Variants in DIS3L observed in about 807,000 individuals in gnomAD.
The protein encoded by DIS3L is DIS3 like exosome 3'-5' exoribonuclease, also known as DIS3-like exonuclease 1.
A neutral mutation model predicts 120.3 loss-of-function variants in DIS3L; 100 were observed. The observed-to-expected ratio is 0.83, with a 90% CI of 0.71 to 0.98. DIS3L has a LOEUF of 0.98. Among genes scored for constraint, DIS3L ranks in the 50% least tolerant of loss-of-function variants. DIS3L has a pLI of 0.00. For synonymous variants in DIS3L, 426 were observed against 470.6 expected, an observed-to-expected ratio of 0.91 and a Z score of 1.23; for missense variants, 1,196 against 1,314.2, an observed-to-expected ratio of 0.91 and a Z score of 1.39.
At chr15:66,329,794 C>T (rs1379442732) in intron 14 of DIS3L, 1 of 930,880 alleles carries the variant, frequency 1.1e-6, no homozygotes, top group Non-Finnish European at 1.3e-6. Flanking sequence ...CGCCTGTAGT[C>T]CCAGTTACTT....
At chr15:66,322,217 G>T (rs1007125741) in intron 9 of DIS3L, among the ~76,000 whole-genome samples, 5 of 152,104 alleles carry the variant, frequency 3.3e-5, no homozygotes, top group Admixed American at 2.6e-4. Flanking sequence ...GATAATAATG[G>T]AGAGAAAATG....
chr15:66,326,371 C>T lies in DIS3L; in HGVS notation c.2201+7C>T. The stretch of plus-strand genomic sequence containing the variant: ...GCTTCTTCATAGATACACGGTATTC[C>T]TCTTTTGAGGGGGCAGAGGAATGGA... On this transcript the variant is annotated splice_region_variant and intron_variant, in intron 12 of 16. Transcript: ENST00000319212. 6.2e-7 allele frequency: 1 copy of T among 1,611,432 alleles called. No individual in the cohort carries two copies. The highest frequency in any genetic ancestry group is 1.1e-5 in the South Asian group (1 of 90,922).
At chr15:66,317,266 T>C (rs940801979) in intron 7 of DIS3L, among the ~76,000 whole-genome samples, 2 of 151,158 alleles carry the variant, frequency 1.3e-5, no homozygotes, top group Non-Finnish European at 1.5e-5. Context: ...TCAAGGACTT[T>C]GCCTGTTATG....
At chr15:66,319,727 A>G (rs1408201135) in intron 8 of DIS3L, among the ~76,000 whole-genome samples, 1 of 152,212 alleles carries the variant, frequency 6.6e-6, no homozygotes, top group East Asian at 1.9e-4. Flanking sequence ...GTTGCACCTA[A>G]TACATTTTCC....
intron 12 of DIS3L, among the ~76,000 whole-genome samples, chr15:66,327,907 C>T (rs999983019): frequency 3.3e-5 from 5 of 152,004 alleles, no homozygotes; most frequent in African/African-American, 7.3e-5. Flanking sequence ...AAAAATACAA[C>T]GAGCCAGGCA....
chr15:66,302,591 G>A (rs2092659980), intron 2 of DIS3L, among the ~76,000 whole-genome samples: 1 of 152,120 alleles, frequency 6.6e-6, no homozygotes, highest in Admixed American at 6.5e-5. Flanking sequence ...AAGCACTGAA[G>A]TAAAGCCTTA....
At chr15:66,306,615 G>A (rs977779442) in intron 2 of DIS3L, 2 of 508,276 alleles carry the variant, frequency 3.9e-6, no homozygotes, top group Non-Finnish European at 3.4e-6. Flanking sequence ...ACTAGGCCCT[G>A]CCCAAGCACC....
chr15:66,313,581 T>G (rs2092784225), intron 5 of DIS3L, among the ~76,000 whole-genome samples: 2 of 151,874 alleles, frequency 1.3e-5, no homozygotes, highest in South Asian at 4.2e-4. Context: ...ATGCAAAAAA[T>G]TAGCTGAGCG....
At chr15:66,294,206 A>T in intron 1 of DIS3L, 1 of 985,526 alleles carries the variant, frequency 1.0e-6, no homozygotes, top group Non-Finnish European at 1.2e-6. Flanking sequence ...GTTGCCCCAG[A>T]CTTTTCCCCC....
chr15:66,308,318 T>G (rs956435650), intron 3 of DIS3L, among the ~76,000 whole-genome samples: 1 of 152,250 alleles, frequency 6.6e-6, no homozygotes, highest in Non-Finnish European at 1.5e-5. Flanking sequence ...TTCAGCTACT[T>G]GCACCTTAGT....
chr15:66,329,342 T>A lies in DIS3L; in HGVS notation c.2478T>A (p.Asn826Lys). The A allele has an allele frequency of 6.2e-7, 1 of 1,613,992 alleles. No individual in the cohort carries two copies. The highest frequency in any genetic ancestry group is 1.1e-5 in the South Asian group (1 of 91,042). ...ATAAGAAAATGGAAATTAAGGGAAA[T>A]CTGTTCAGCAACAAAGATCTTGAGG... The part of the protein sequence containing the change: ...SKDKKMEIKG[N>K]LFSNKDLEEL... Residue 826 changes from asparagine (N) to lysine (K), a missense_variant, in exon 14 of 17, where the codon AAT (asparagine) becomes AAA (lysine). By Grantham distance (94) the Asn-to-Lys change is moderately conservative. Transcript: ENST00000319212.
chr15:66,313,462 T>C (rs554100288), intron 5 of DIS3L, among the ~76,000 whole-genome samples: 47 of 152,260 alleles, frequency 3.1e-4, no homozygotes, highest in African/African-American at 1.1e-3. Flanking sequence ...TACCCACGCA[T>C]GGTTTCTCAT....
At position 66,306,880 on chromosome 15, in the gene DIS3L, T is replaced by C. The variant is rs1178077685; in HGVS notation, c.350T>C (p.Phe117Ser). The C allele has an allele frequency of 6.2e-7, 1 of 1,614,158 alleles. No homozygotes were observed. The highest frequency in any genetic ancestry group is 8.5e-7 in the Non-Finnish European group (1 of 1,180,022). Residue 117 changes from phenylalanine to serine, a missense_variant, in exon 3 of 17, where the codon TTT becomes TCT. Phe to Ser is a radical substitution (Grantham distance 155). Transcript: ENST00000319212. ...GATGCGCGTCATGATTGCATTCTCT[T>C]TGCTAATGAATTCCAGCAATGCTGC... is the stretch of plus-strand genomic sequence containing the variant. ...LKDARHDCILFANEFQQCCYL... is the reference protein window; with the variant it reads ...LKDARHDCILSANEFQQCCYL...
intron 11 of DIS3L, among the ~76,000 whole-genome samples, chr15:66,325,426 G>C (rs561146829): frequency 6.6e-6 from 1 of 152,250 alleles, no homozygotes; most frequent in South Asian, 2.1e-4. Context: ...AGTAAGGTTT[G>C]TAATGTCACA....
chr15:66,296,892 GT>G (rs1256550919), intron 2 of DIS3L, among the ~76,000 whole-genome samples: 1 of 152,204 alleles, frequency 6.6e-6, no homozygotes, highest in Non-Finnish European at 1.5e-5. Context: ...AAACAAGACA[GT>G]TATTATGAAG....
At position 66,314,211 on chromosome 15, in the gene DIS3L, T is replaced by C. The variant is rs2140363608; in HGVS notation, c.814+94T>C. 4 of 1,027,472 alleles carry C rather than the reference T, an allele frequency of 3.9e-6. No homozygotes were observed. In the East Asian group the frequency reaches 1.2e-4, roughly 32 times the overall value. The allele number at this position is 1,027,472 out of a possible 1,614,324, so 63.6% of individuals were successfully genotyped here. A position where few individuals can be genotyped will look rare whatever the true frequency, so the allele number is the denominator to read the frequency against. On this transcript the variant is annotated intron_variant, in intron 6 of 16. Transcript: ENST00000319212. ...AAAGTTGAAATTGTCATGTCATATG[T>C]GCCCTGTTATGTATGCCTACATACA...
intron 7 of DIS3L, among the ~76,000 whole-genome samples, chr15:66,315,955 G>C (rs1485395755): frequency 6.6e-6 from 1 of 152,098 alleles, no homozygotes; most frequent in Non-Finnish European, 1.5e-5. Flanking sequence ...CCACCCTGCT[G>C]GCTGCTCTTC....
intron 5 of DIS3L, among the ~76,000 whole-genome samples, 180 bp downstream of exon 5, chr15:66,312,080 A>G (rs2092768737): frequency 6.6e-6 from 1 of 151,888 alleles, no homozygotes; most frequent in South Asian, 2.1e-4. Context: ...GGTAGTGTGC[A>G]CCTGTACTCC....
rs146543065 is a variant in DIS3L, at chr15:66,315,201, A to C, written c.980A>C (p.Glu327Ala). The C allele has an allele frequency of 6.2e-7, 1 of 1,611,910 alleles. No homozygotes were observed. The highest frequency in any genetic ancestry group is 1.1e-5 in the South Asian group (1 of 90,794). Residue 327 changes from glutamate (E) to alanine (A), a missense_variant, in exon 7 of 17, where the codon GAG (glutamate) becomes GCG (alanine). Glu to Ala is a moderately radical substitution (Grantham distance 107). Transcript: ENST00000319212. ...AAGGCTTCGGGCGAGTCCCCAAGTGAGCCCATGCCTACAGGTGAGCCAGCT... is the reference window on the plus strand; with the variant it reads ...AAGGCTTCGGGCGAGTCCCCAAGTGCGCCCATGCCTACAGGTGAGCCAGCT... ...DDKASGESPS[E>A]PMPTGRVVGI...
Sources: allele counts gnomAD v4.1 joint callset (sites outside exome capture counted in the v4.1 genomes callset), GRCh38; gene constraint gnomAD v4.1.1; transcripts MANE v1.5; gene names NCBI Gene and HGNC (gene_info 2026-07-23, HGNC 2026-07-21).